Variants in ZNF232 observed in about 807,000 individuals in gnomAD.
ZNF232 encodes zinc finger and SCAN domain-containing protein 11.
ZNF232 carries 25 observed loss-of-function variants against 25.2 expected under a neutral mutation model. That is an observed-to-expected ratio of 0.99 (90% CI 0.72 to 1.39). The LOEUF is 1.39. ZNF232 is among the 40% of genes most tolerant of loss of function. The pLI is 0.00. For missense variants in ZNF232, 519 were observed against 520.9 expected, an observed-to-expected ratio of 1.00 and a Z score of 0.04; for synonymous variants, 193 against 182.9, an observed-to-expected ratio of 1.06 and a Z score of -0.45.
chr17:5,108,760 G>A lies in ZNF232; in HGVS notation c.625+166C>T, dbSNP rs565616471. ...TTTATTCTTACTCCTAATTTTATGA[G>A]TGATGAAACAGGCAAAGTCTCTCAC... On this transcript the variant is annotated intron_variant, in intron 3 of 3. Coordinates refer to ENST00000575898, the Ensembl canonical transcript of ZNF232. The A allele has an allele frequency of 1.9e-5, 20 of 1,077,258 alleles. No individual in the cohort carries two copies. The African/African-American group carries it at 1.9e-4, about 10-fold the overall frequency. The allele number at this position is 1,077,258 out of a possible 1,614,324, so 66.7% of individuals were successfully genotyped here.
upstream of ZNF232, among the ~76,000 whole-genome samples, chr17:5,112,882 C>T (rs2072452119): frequency 6.6e-6 from 1 of 151,910 alleles, no homozygotes; most frequent in Non-Finnish European, 1.5e-5. Context: ...TCGTTTGAAC[C>T]CGGGAGGCAG....
At chr17:5,111,982 T>A, upstream of ZNF232, 1 of 1,097,240 alleles carries the variant, frequency 9.1e-7, no homozygotes, top group South Asian at 1.6e-5. Context: ...GCCGAGAGGC[T>A]GGGAGCCCGG....
chr17:5,106,128 G>A, exon 4 of ZNF232: 3 of 1,614,150 alleles, frequency 1.9e-6, no homozygotes, highest in South Asian at 2.2e-5. Context: ...ACCGAGGTTT[G>A]AGCTCTGTTT....
chr17:5,108,738 ATTCTTAC>A, intron 3 of ZNF232, 181 bp downstream of exon 3: 1 of 841,866 alleles, frequency 1.2e-6, no homozygotes, highest in Non-Finnish European at 1.8e-6. Flanking sequence ...GAGGTAGTTT[ATTCTTAC>A]TCCTAATTTT....
At chr17:5,122,779 G>C (rs371373081) in intron 1 of ZNF232, among the ~76,000 whole-genome samples, 1 of 152,238 alleles carries the variant, frequency 6.6e-6, no homozygotes, top group African/African-American at 2.4e-5. Context: ...TCTCAGGTCC[G>C]GTAGGGCGAG....
chr17:5,115,555 A>ACACAC (rs2072512102), upstream of ZNF232, among the ~76,000 whole-genome samples: 1 of 148,664 alleles, frequency 6.7e-6, no homozygotes, highest in African/African-American at 2.5e-5. Flanking sequence ...CGTCTCCAAA[A>ACACAC]ACACACACAC....
chr17:5,112,114 C>G, upstream of ZNF232: 1 of 512,390 alleles, frequency 2.0e-6, no homozygotes, highest in South Asian at 2.9e-5. Flanking sequence ...GGAGAGTGAG[C>G]CCTTGTAAGC....
chr17:5,108,170 G>GC lies in ZNF232; in HGVS notation c.625+755_625+756insG, dbSNP rs1389376273. On this transcript the variant is annotated intron_variant, in intron 3 of 3. Coordinates refer to ENST00000575898, the Ensembl canonical transcript of ZNF232. The stretch of plus-strand genomic sequence containing the variant: ...ATGCCTTGGTTTGGTGATAGTGATG[G>GC]GGGGGCAGTTATGGTGTAAAAGCAA... Among the ~76,000 whole-genome samples the GC allele has an allele frequency of 2.6e-5, 4 of 152,218 alleles. No individual in the cohort carries two copies. In the East Asian group the frequency reaches 7.7e-4, roughly 29 times the overall value.
chr17:5,120,029 G>A (rs756688488), intron 1 of ZNF232, among the ~76,000 whole-genome samples: 27 of 152,074 alleles, frequency 1.8e-4, no homozygotes, highest in South Asian at 8.3e-4. Context: ...AGGTCCTGCC[G>A]GGGCAGTCAG....
At chr17:5,106,673 G>A (rs1384474783) in intron 3 of ZNF232, 140 bp from the exon 4 acceptor site, 1 of 722,626 alleles carries the variant, frequency 1.4e-6, no homozygotes, top group African/African-American at 1.8e-5. Context: ...TTGGTGATGG[G>A]ACTATACAGA....
At chr17:5,112,158 G>A (rs2072432512), upstream of ZNF232, 2 of 432,668 alleles carry the variant, frequency 4.6e-6, no homozygotes, top group Non-Finnish European at 4.1e-6. Flanking sequence ...GGTCTCTTGT[G>A]GAATTGTACC....
At chr17:5,115,185 G>T (rs1054202673), upstream of ZNF232, among the ~76,000 whole-genome samples, 2 of 152,084 alleles carry the variant, frequency 1.3e-5, no homozygotes, top group African/African-American at 4.8e-5. Context: ...CATCTTTTGG[G>T]GGGTGGGGCG....
upstream of ZNF232, among the ~76,000 whole-genome samples, chr17:5,115,587 C>G (rs2072515970): frequency 7.0e-6 from 1 of 143,044 alleles, no homozygotes; most frequent in South Asian, 2.2e-4. Context: ...AAACCCAAAA[C>G]GGAACAGAGG....
At chr17:5,118,028 C>T (rs2072572921) in intron 1 of ZNF232, among the ~76,000 whole-genome samples, 1 of 150,606 alleles carries the variant, frequency 6.6e-6, no homozygotes, top group Non-Finnish European at 1.5e-5. Flanking sequence ...GAGATCATGC[C>T]ACTGCACTCT....
intron 1 of ZNF232, chr17:5,120,495 C>T (rs2072629829): frequency 3.1e-6 from 1 of 324,444 alleles, no homozygotes; most frequent in African/African-American, 2.2e-5. Context: ...GGGTGAGGAG[C>T]TGTTGGCCTA....
At chr17:5,122,056 A>G (rs1208656671) in intron 1 of ZNF232, among the ~76,000 whole-genome samples, 2 of 133,294 alleles carry the variant, frequency 1.5e-5, no homozygotes, top group African/African-American at 5.8e-5. Flanking sequence ...AATGGATCAG[A>G]GGGGTCAGGG....
intron 3 of ZNF232, among the ~76,000 whole-genome samples, chr17:5,107,394 G>GAAAAA (rs749338515): frequency 2.1e-4 from 13 of 60,680 alleles, no homozygotes; most frequent in African/African-American, 3.7e-4. Context: ...TCTCAAAAAG[G>GAAAAA]AAAAAAAAAA....
At chr17:5,109,451 T>G (rs770298273) in exon 2 of ZNF232, 21 of 1,614,042 alleles carry the variant, frequency 1.3e-5, no homozygotes, top group Non-Finnish European at 1.7e-6. Flanking sequence ...CAGCCTCCTC[T>G]CCACTCTTAG....
chr17:5,110,870 G>A (rs1402174709), intron 1 of ZNF232, among the ~76,000 whole-genome samples: 1 of 152,130 alleles, frequency 6.6e-6, no homozygotes, highest in African/African-American at 2.4e-5. Context: ...GGGTTTTGAG[G>A]GCTTCAATTT....
Sources: allele counts gnomAD v4.1 joint callset (sites outside exome capture counted in the v4.1 genomes callset), GRCh38; gene constraint gnomAD v4.1.1; transcripts MANE v1.5; gene names NCBI Gene and HGNC (gene_info 2026-07-23, HGNC 2026-07-21).